Variants in ERBB4 observed in about 807,000 individuals in gnomAD.
The protein encoded by ERBB4 is receptor tyrosine-protein kinase erbB-4.
A neutral mutation model predicts 158.0 loss-of-function variants in ERBB4; 42 were observed. The ratio of observed to expected loss-of-function variants is 0.27; its 90% CI spans 0.21 to 0.34. The LOEUF (loss-of-function observed/expected upper bound fraction) is 0.34, where lower values mean the gene tolerates loss of function less well. Among genes scored for constraint, ERBB4 ranks in the 10% least tolerant of loss-of-function variants. The probability of loss-of-function intolerance (pLI) is 1.00; values close to 1 mark genes in which losing one functional copy is unlikely to be tolerated. For missense variants in ERBB4, 1,333 were observed against 1,624.1 expected, an observed-to-expected ratio of 0.82 and a Z score of 3.08; for synonymous variants, 583 against 558.7, an observed-to-expected ratio of 1.04 and a Z score of -0.61.
intron 20 of ERBB4, among the ~76,000 whole-genome samples, chr2:211,449,338 T>C (rs2064186941): frequency 6.6e-6 from 1 of 152,180 alleles, no homozygotes; most frequent in Admixed American, 6.5e-5. Context: ...ATATTTTGTA[T>C]TTCACAACCA....
At chr2:211,663,889 A>C (rs542292401) in intron 15 of ERBB4, among the ~76,000 whole-genome samples, 9 of 151,966 alleles carry the variant, frequency 5.9e-5, no homozygotes, top group African/African-American at 2.2e-4. Context: ...CTCCAGCAGA[A>C]CCAGTTGTTT....
intron 20 of ERBB4, among the ~76,000 whole-genome samples, chr2:211,517,078 C>T (rs1220252445): frequency 2.0e-5 from 3 of 152,132 alleles, no homozygotes; most frequent in East Asian, 3.9e-4. Context: ...AATTTCTCCA[C>T]TTGCCCCATA....
chr2:212,043,294 T>G (rs1246295409), intron 2 of ERBB4, among the ~76,000 whole-genome samples: 1 of 152,186 alleles, frequency 6.6e-6, no homozygotes, highest in Admixed American at 6.5e-5. Context: ...ATAGGTACGC[T>G]GTTTATTTTG....
At position 211,589,655 on chromosome 2, in the gene ERBB4, G is replaced by A. The variant is rs554540232; in HGVS notation, c.2302-27567C>T. Reference sequence around the variant, plus strand: ...TAGAATAACTTGTAACTGAGAATACGTATCAAAACGAATAGCTAATTTTTT... The same window carrying A: ...TAGAATAACTTGTAACTGAGAATACATATCAAAACGAATAGCTAATTTTTT... On this transcript the variant is annotated intron_variant, in intron 19 of 27. Coordinates refer to ENST00000342788, the MANE Select transcript of ERBB4 (RefSeq NM_005235.3). Among the ~76,000 whole-genome samples, 50 of 152,110 alleles carry A rather than the reference G, an allele frequency of 3.3e-4. No individual in the cohort carries two copies. The South Asian group carries it at 9.5e-3, about 29-fold the overall frequency.
intron 1 of ERBB4, among the ~76,000 whole-genome samples, chr2:212,537,065 A>C (rs1693114242): frequency 6.6e-6 from 1 of 152,128 alleles, no homozygotes; most frequent in African/African-American, 2.4e-5. Context: ...CAAACGCCTC[A>C]CATGTGCCAT....
chr2:212,513,211 G>C (rs1349383866), intron 1 of ERBB4, among the ~76,000 whole-genome samples: 2 of 151,984 alleles, frequency 1.3e-5, no homozygotes, highest in Non-Finnish European at 2.9e-5. Flanking sequence ...GCCTTTACTG[G>C]TATGGAAGTA....
intron 1 of ERBB4, among the ~76,000 whole-genome samples, chr2:212,146,757 G>T (rs1465538023): frequency 6.6e-6 from 1 of 152,164 alleles, no homozygotes; most frequent in Non-Finnish European, 1.5e-5. Context: ...TGTGAGTGCA[G>T]TGGAGTCTGT....
At chr2:212,309,851 T>G (rs909228984) in intron 1 of ERBB4, among the ~76,000 whole-genome samples, 1 of 150,564 alleles carries the variant, frequency 6.6e-6, no homozygotes, top group Non-Finnish European at 1.5e-5. Flanking sequence ...TGACAAATTT[T>G]AAACTGTATT....
intron 1 of ERBB4, among the ~76,000 whole-genome samples, chr2:212,522,188 T>G (rs1166571448): frequency 2.0e-5 from 3 of 152,012 alleles, no homozygotes; most frequent in Non-Finnish European, 2.9e-5. Context: ...TGTGGCCATT[T>G]GCAAGTTATT....
chr2:212,073,335 A>G (rs958924042), intron 2 of ERBB4, among the ~76,000 whole-genome samples: 4 of 151,962 alleles, frequency 2.6e-5, no homozygotes, highest in African/African-American at 9.7e-5. Flanking sequence ...TTTCCCAATT[A>G]CTATACAAGG....
intron 20 of ERBB4, among the ~76,000 whole-genome samples, chr2:211,509,640 C>T (rs1163064031): frequency 6.6e-6 from 1 of 151,850 alleles, no homozygotes; most frequent in African/African-American, 2.4e-5. Flanking sequence ...GCAAAAGAAA[C>T]TATCAATAGA....
At chr2:211,641,099 C>T (rs943667996) in intron 16 of ERBB4, among the ~76,000 whole-genome samples, 1 of 152,032 alleles carries the variant, frequency 6.6e-6, no homozygotes, top group Non-Finnish European at 1.5e-5. Context: ...AAGACCCATA[C>T]CTGTTGATTT....
At chr2:211,954,119 T>C (rs1298360332) in intron 2 of ERBB4, among the ~76,000 whole-genome samples, 3 of 152,036 alleles carry the variant, frequency 2.0e-5, no homozygotes, top group Admixed American at 1.3e-4. Flanking sequence ...CTGTATTTGA[T>C]ATAAATCCCT....
intron 2 of ERBB4, among the ~76,000 whole-genome samples, chr2:212,058,005 G>A (rs2077634688): frequency 6.6e-6 from 1 of 151,954 alleles, no homozygotes; most frequent in African/African-American, 2.4e-5. Context: ...GGTTGTTTTT[G>A]GAAAACATCA....
chr2:211,688,351 G>T (rs1414256261), intron 12 of ERBB4, among the ~76,000 whole-genome samples: 2 of 151,988 alleles, frequency 1.3e-5, no homozygotes. Context: ...TGGACTCCTA[G>T]CTCTGTCTTC....
chr2:211,944,192 T>TAGTGTATAG (rs2080604013), intron 3 of ERBB4, among the ~76,000 whole-genome samples: 3 of 31,236 alleles, frequency 9.6e-5, no homozygotes, highest in Non-Finnish European at 2.3e-4. Flanking sequence ...TATATATATA[T>TAGTGTATAG]ATATATACTA....
At chr2:212,536,288 T>C (rs1239446999) in intron 1 of ERBB4, among the ~76,000 whole-genome samples, 1 of 147,042 alleles carries the variant, frequency 6.8e-6, no homozygotes, top group African/African-American at 2.5e-5. Context: ...AGCTGAACTT[T>C]CCCTGCCAGG....
At chr2:211,853,428 T>C (rs1356652240) in intron 3 of ERBB4, among the ~76,000 whole-genome samples, 1 of 152,010 alleles carries the variant, frequency 6.6e-6, no homozygotes, top group Non-Finnish European at 1.5e-5. Flanking sequence ...ATGACTTGCA[T>C]TAAAAATTAT....
intron 7 of ERBB4, among the ~76,000 whole-genome samples, chr2:211,719,525 C>T (rs2074028338): frequency 6.6e-6 from 1 of 152,078 alleles, no homozygotes; most frequent in Non-Finnish European, 1.5e-5. Context: ...CTTCCCACAC[C>T]CAGGTCTTTG....
Sources: gnomAD v4.1 joint callset for allele counts (sites outside exome capture counted in the v4.1 genomes callset) on GRCh38, gnomAD v4.1.1 for gene constraint, MANE v1.5 for transcripts, NCBI Gene and HGNC (gene_info 2026-07-23, HGNC 2026-07-21) for gene names.